Variants in ADAMTS3 observed in about 807,000 individuals in gnomAD.
The protein encoded by ADAMTS3 is A disintegrin and metalloproteinase with thrombospondin motifs 3.
In ADAMTS3, 73 loss-of-function variants were observed where a neutral mutation model predicts 129.0. The ratio of observed to expected loss-of-function variants is 0.57; its 90% confidence interval spans 0.47 to 0.69. ADAMTS3 has a LOEUF of 0.69. ADAMTS3 is among the 30% of genes least tolerant of loss of function. The probability of loss-of-function intolerance (pLI) is 0.00; values close to 1 mark genes in which losing one functional copy is unlikely to be tolerated. For synonymous variants in ADAMTS3, 477 were observed against 510.8 expected, an observed-to-expected ratio of 0.93 and a Z score of 0.89; for missense variants, 1,457 against 1,514.5, an observed-to-expected ratio of 0.96 and a Z score of 0.63.
intron 3 of ADAMTS3, among the ~76,000 whole-genome samples, chr4:72,532,681 C>T (rs781405196): frequency 1.1e-4 from 17 of 152,252 alleles, no homozygotes; most frequent in African/African-American, 2.2e-4. Flanking sequence ...TATCCTACTA[C>T]ATACCTACTA....
intron 3 of ADAMTS3, among the ~76,000 whole-genome samples, chr4:72,523,544 A>ATACAT (rs199539306): frequency 2.0e-5 from 3 of 152,098 alleles, no homozygotes; most frequent in Non-Finnish European, 4.4e-5. Flanking sequence ...AAACAATACT[A>ATACAT]TACATTACAT....
Position 72,288,755 on chromosome 4 carries a change from A to T in ADAMTS3, c.3045T>A (p.Cys1015Ter). 6.2e-7 allele frequency: 1 copy of T among 1,607,972 alleles called. No homozygotes were observed. Among genetic ancestry groups the T allele is most frequent in the Non-Finnish European group, 8.5e-7 (1 of 1,174,374 alleles). ...ESVRACQLPP[C>*]NDEPCLGDKS... ...GTCAATTGGTGTGACACCTACCATTACAAGGAGGCAGTTGACAGGCTCTGA... is the reference window on the plus strand; with the variant it reads ...GTCAATTGGTGTGACACCTACCATTTCAAGGAGGCAGTTGACAGGCTCTGA... Residue 1015 changes from cysteine (C) to a stop codon, truncating the protein, a stop_gained, in exon 21 of 22, where the codon TGT becomes TGA. Transcript: ENST00000286657. LOFTEE classifies it low-confidence loss of function (END_TRUNC).
At chr4:72,349,156 A>G (rs1720363497) in intron 4 of ADAMTS3, among the ~76,000 whole-genome samples, 1 of 152,090 alleles carries the variant, frequency 6.6e-6, no homozygotes, top group Non-Finnish European at 1.5e-5. Flanking sequence ...TTGAGAAAGA[A>G]GCTAAACTTA....
intron 3 of ADAMTS3, among the ~76,000 whole-genome samples, chr4:72,443,463 A>G (rs948637101): frequency 5.9e-5 from 9 of 151,750 alleles, no homozygotes; most frequent in Non-Finnish European, 1.3e-4. Context: ...CTAGACAATT[A>G]CCTGATTGAG....
chr4:72,564,319 A>G (rs75807729), intron 2 of ADAMTS3, among the ~76,000 whole-genome samples: 3,210 of 152,280 alleles, frequency 0.021, 41 homozygotes, highest in Non-Finnish European at 0.033. Flanking sequence ...TTATTTCCTA[A>G]GCCACATGTG....
At chr4:72,539,508 A>AC (rs1029887029) in intron 3 of ADAMTS3, among the ~76,000 whole-genome samples, 9 of 151,604 alleles carry the variant, frequency 5.9e-5, no homozygotes, top group African/African-American at 1.2e-4. Context: ...AAAAAAAAAA[A>AC]AAAAACAGAA....
chr4:72,374,557 T>C (rs1721091206), intron 4 of ADAMTS3, among the ~76,000 whole-genome samples: 1 of 152,190 alleles, frequency 6.6e-6, no homozygotes, highest in South Asian at 2.1e-4. Flanking sequence ...CTAGTCAATA[T>C]GAAAATAAAC....
Position 72,490,915 on chromosome 4 carries a change from T to C in ADAMTS3, c.504+57563A>G, listed in dbSNP as rs369749629. ...AAATGCACTGAGTCTGTATATAACT[T>C]TGGTTAGTAACATTTTAACAATATT... On this transcript the variant is annotated intron_variant, in intron 3 of 21. Transcript: ENST00000286657. Among the ~76,000 whole-genome samples, 9 of 151,988 alleles carry C rather than the reference T, an allele frequency of 5.9e-5. No individual in the cohort carries two copies. The South Asian group carries it at 1.9e-3, about 32-fold the overall frequency.
chr4:72,541,624 G>A (rs1231209374), intron 3 of ADAMTS3, among the ~76,000 whole-genome samples: 2 of 152,180 alleles, frequency 1.3e-5, no homozygotes, highest in African/African-American at 4.8e-5. Flanking sequence ...TACTCAGTGA[G>A]AGGTAATTGA....
chr4:72,343,231 A>T (rs1041196421), intron 4 of ADAMTS3, among the ~76,000 whole-genome samples: 3 of 152,110 alleles, frequency 2.0e-5, no homozygotes, highest in Non-Finnish European at 4.4e-5. Flanking sequence ...CTTACTGTAC[A>T]TGTGGCTGGC....
At chr4:72,313,252 C>T (rs576165666) in intron 12 of ADAMTS3, among the ~76,000 whole-genome samples, 2 of 152,270 alleles carry the variant, frequency 1.3e-5, no homozygotes, top group South Asian at 4.1e-4. Context: ...GGCCTTCTAT[C>T]ACAATCTTTC....
At chr4:72,428,720 A>T (rs1324950229) in intron 3 of ADAMTS3, among the ~76,000 whole-genome samples, 1 of 151,786 alleles carries the variant, frequency 6.6e-6, no homozygotes, top group Non-Finnish European at 1.5e-5. Context: ...AGTCATTTAA[A>T]CTCTCTGGAG....
chr4:72,317,922 G>A (rs944434568), intron 10 of ADAMTS3, among the ~76,000 whole-genome samples: 28 of 151,964 alleles, frequency 1.8e-4, no homozygotes, highest in Admixed American at 6.6e-4. Flanking sequence ...CCAGCTACTC[G>A]GGAGGCTGAG....
chr4:72,304,206 A>T, intron 16 of ADAMTS3, 126 bp from the exon 17 acceptor site: 1 of 915,952 alleles, frequency 1.1e-6, no homozygotes, highest in Non-Finnish European at 1.6e-6. Context: ...GCAAGGAATC[A>T]AAATGGGTGT....
intron 3 of ADAMTS3, among the ~76,000 whole-genome samples, chr4:72,463,766 C>T (rs1472709591): frequency 6.7e-6 from 1 of 150,272 alleles, no homozygotes; most frequent in Admixed American, 6.6e-5. Context: ...CACAACTTCA[C>T]ATCTACTTCT....
intron 17 of ADAMTS3, among the ~76,000 whole-genome samples, chr4:72,303,540 G>A (rs1719006204): frequency 6.6e-6 from 1 of 151,910 alleles, no homozygotes; most frequent in African/African-American, 2.4e-5. Flanking sequence ...CACAAGAAAT[G>A]CTGAAGATCT....
chr4:72,384,888 G>T (rs1334589804), intron 4 of ADAMTS3, among the ~76,000 whole-genome samples: 1 of 152,138 alleles, frequency 6.6e-6, no homozygotes, highest in Non-Finnish European at 1.5e-5. Flanking sequence ...GAAAACTGGG[G>T]CCGGGTGTGG....
At chr4:72,401,090 C>G (rs2109908509) in intron 4 of ADAMTS3, among the ~76,000 whole-genome samples, 1 of 151,820 alleles carries the variant, frequency 6.6e-6, no homozygotes. Flanking sequence ...TCATCAGTTA[C>G]ACTAGTCACA....
chr4:72,395,020 G>A (rs1176248365), intron 4 of ADAMTS3, among the ~76,000 whole-genome samples: 1 of 151,952 alleles, frequency 6.6e-6, no homozygotes, highest in African/African-American at 2.4e-5. Context: ...CGCCTCCTGG[G>A]TGCAAGCTAT....
Sources: allele counts gnomAD v4.1 joint callset (sites outside exome capture counted in the v4.1 genomes callset), GRCh38; gene constraint gnomAD v4.1.1; transcripts MANE v1.5; gene names NCBI Gene and HGNC (gene_info 2026-07-23, HGNC 2026-07-21).